Variants in HPSE2 observed in about 807,000 individuals in gnomAD.
HPSE2 encodes heparanase 2 (inactive), also known as inactive heparanase-2.
Under a neutral mutation model 60.5 loss-of-function variants are expected in HPSE2, and 38 were observed. The observed-to-expected ratio is 0.63, with a 90% CI of 0.48 to 0.82. HPSE2 has a LOEUF of 0.82. Among genes scored for constraint, HPSE2 ranks in the 40% least tolerant of loss-of-function variants. The probability of loss-of-function intolerance (pLI) is 0.00; values close to 1 mark genes in which losing one functional copy is unlikely to be tolerated. For missense variants in HPSE2, 713 were observed against 740.4 expected (o/e 0.96, Z 0.43); for synonymous variants, 295 against 293.2 (o/e 1.01, Z -0.06).
chr10:98,723,345 G>T (rs1481522113), intron 4 of HPSE2, among the ~76,000 whole-genome samples: 1 of 151,988 alleles, frequency 6.6e-6, no homozygotes, highest in African/African-American at 2.4e-5. Context: ...GCTTTTTGAT[G>T]TGTTGCTGAA....
the HPSE2 span, among the ~76,000 whole-genome samples, chr10:99,263,456 C>G: frequency 6.6e-6 from 1 of 152,210 alleles, no homozygotes; most frequent in African/African-American, 2.4e-5. Context: ...CAAGGGTCCT[C>G]CATCATTAAT....
At chr10:99,034,857 T>A (rs1381474730) in intron 3 of HPSE2, among the ~76,000 whole-genome samples, 1 of 152,208 alleles carries the variant, frequency 6.6e-6, no homozygotes, top group African/African-American at 2.4e-5. Flanking sequence ...ATTGTGAGTA[T>A]ATATAAGCAT....
chr10:99,304,245 G>A, the HPSE2 span, among the ~76,000 whole-genome samples: 1 of 152,190 alleles, frequency 6.6e-6, no homozygotes, highest in African/African-American at 2.4e-5. Context: ...CAACACCCAG[G>A]AGTTACTGCC....
chr10:99,294,425 T>C, the HPSE2 span, among the ~76,000 whole-genome samples: 1 of 145,778 alleles, frequency 6.9e-6, no homozygotes, highest in African/African-American at 2.5e-5. Context: ...ATACATATAA[T>C]ATATAATATA....
chr10:98,958,131 A>G (rs746232416), intron 3 of HPSE2, among the ~76,000 whole-genome samples: 17 of 152,178 alleles, frequency 1.1e-4, no homozygotes, highest in Admixed American at 1.3e-4. Context: ...ATTGTGAACA[A>G]AATAATGCCC....
At chr10:99,106,513 C>G (rs1223561311) in intron 3 of HPSE2, among the ~76,000 whole-genome samples, 1 of 151,760 alleles carries the variant, frequency 6.6e-6, no homozygotes, top group Non-Finnish European at 1.5e-5. Flanking sequence ...TCTTGCATTT[C>G]TGAAATAAAT....
chr10:99,005,006 T>G (rs1272675805), intron 3 of HPSE2, among the ~76,000 whole-genome samples: 1 of 152,202 alleles, frequency 6.6e-6, no homozygotes, highest in Non-Finnish European at 1.5e-5. Flanking sequence ...TGCTCAGAAG[T>G]CCACTGATAG....
chr10:98,646,331 T>C (rs1946769480), intron 6 of HPSE2, among the ~76,000 whole-genome samples: 1 of 151,888 alleles, frequency 6.6e-6, no homozygotes, highest in Non-Finnish European at 1.5e-5. Context: ...TCTTTTTTTT[T>C]TTTTAAAAAA....
intron 9 of HPSE2, among the ~76,000 whole-genome samples, chr10:98,500,780 AG>A (rs1256740551): frequency 7.2e-5 from 11 of 152,156 alleles, no homozygotes; most frequent in Admixed American, 5.9e-4. Context: ...ACCATTAGCA[AG>A]AATAACCAAG....
chr10:98,954,570 G>A (rs1048049614), intron 3 of HPSE2, among the ~76,000 whole-genome samples: 1 of 152,072 alleles, frequency 6.6e-6, no homozygotes, highest in Non-Finnish European at 1.5e-5. Flanking sequence ...TATCACCAGT[G>A]GTTGCCTCTG....
intron 3 of HPSE2, among the ~76,000 whole-genome samples, chr10:99,041,246 C>T (rs1379746018): frequency 6.6e-6 from 1 of 152,038 alleles, no homozygotes; most frequent in Non-Finnish European, 1.5e-5. Context: ...AGTAAACAGG[C>T]TCTTCAAGTG....
chr10:99,035,382 C>T (rs1228911626), intron 3 of HPSE2, among the ~76,000 whole-genome samples: 1 of 152,152 alleles, frequency 6.6e-6, no homozygotes, highest in Non-Finnish European at 1.5e-5. Flanking sequence ...CATCTTGTCT[C>T]ACTAGAAGGT....
intron 3 of HPSE2, among the ~76,000 whole-genome samples, chr10:98,754,779 CA>C (rs1355293277): frequency 1.3e-5 from 2 of 150,076 alleles, no homozygotes; most frequent in Non-Finnish European, 3.0e-5. Context: ...CCAATCCAGC[CA>C]AACTAAGATT....
chr10:98,833,351 C>T (rs7094650), intron 3 of HPSE2, among the ~76,000 whole-genome samples: 129,835 of 152,202 alleles, frequency 0.85, 55,772 homozygotes, highest in African/African-American at 0.95. Flanking sequence ...AGCATAGATA[C>T]ATGTGCCAAA....
chr10:99,241,401 T>C, the HPSE2 span, among the ~76,000 whole-genome samples: 1 of 152,208 alleles, frequency 6.6e-6, no homozygotes, highest in Non-Finnish European at 1.5e-5. Context: ...CAAACTGATA[T>C]AATATCCAAG....
the HPSE2 span, among the ~76,000 whole-genome samples, chr10:99,242,454 T>C: frequency 6.6e-6 from 1 of 152,228 alleles, no homozygotes; most frequent in Non-Finnish European, 1.5e-5. Flanking sequence ...ATAAATGTGA[T>C]TGACTCTAAT....
chr10:99,126,557 C>T lies in HPSE2; in HGVS notation c.610+17681G>A, dbSNP rs1845171743. 6.6e-6 allele frequency among the ~76,000 whole-genome samples: 1 copy of T among 152,154 alleles called. No homozygotes were observed. Among genetic ancestry groups the T allele is most frequent in the Admixed American group, 6.5e-5 (1 of 15,288 alleles). ...CAACCAACTCAGGCCATTACAACAA[C>T]TCATGACAGAATAACCCTGCTCCCC... On this transcript the variant is annotated intron_variant, in intron 3 of 11. Transcript: ENST00000370552. This position sits in a 1 kb window ranked among gnomAD's most constrained non-coding sequence, Gnocchi z 4.0.
At chr10:98,817,438 G>C (rs1397648458) in intron 3 of HPSE2, among the ~76,000 whole-genome samples, 1 of 152,054 alleles carries the variant, frequency 6.6e-6, no homozygotes, top group Non-Finnish European at 1.5e-5. Flanking sequence ...GGAAGACCAT[G>C]GCTCTAAAAC....
In HPSE2 at chr10:98,482,790, C is replaced by T. The variant is rs1180320638; in HGVS notation, c.1467-8G>A. The stretch of plus-strand genomic sequence containing the variant: ...CCACGAACGTAGTTGTGGCTGAGAT[C>T]CAGAGAAAGAGAGAAGTGAAAGATG... On this transcript the variant is annotated splice_region_variant and splice_polypyrimidine_tract_variant and intron_variant, in intron 10 of 11. Transcript: ENST00000370552. 3 of 1,613,866 alleles carry T rather than the reference C, an allele frequency of 1.9e-6. No individual in the cohort carries two copies. Among genetic ancestry groups the T allele is most frequent in the Non-Finnish European group, 2.5e-6 (3 of 1,179,870 alleles).
Sources: allele counts gnomAD v4.1 joint callset (sites outside exome capture counted in the v4.1 genomes callset), GRCh38; gene constraint gnomAD v4.1.1; non-coding constraint Gnocchi (gnomAD v3.1); transcripts MANE v1.5; gene names NCBI Gene and HGNC (gene_info 2026-07-23, HGNC 2026-07-21).